UBE2E3: variants seen among roughly 807,000 people sequenced by gnomAD.
UBE2E3 encodes ubiquitin conjugating enzyme E2 E3, also known as ubiquitin-conjugating enzyme E2 E3.
Under a neutral mutation model 23.6 loss-of-function variants are expected in UBE2E3, and 5 were observed. The ratio of observed to expected loss-of-function variants is 0.21; its 90% CI spans 0.11 to 0.44. UBE2E3 has a LOEUF of 0.44. UBE2E3 is among the 20% of genes least tolerant of loss of function. The pLI is 0.99. For synonymous variants in UBE2E3, 78 were observed against 87.5 expected, an observed-to-expected ratio of 0.89 and a Z score of 0.60; for missense variants, 81 against 249.8, an observed-to-expected ratio of 0.32 and a Z score of 4.55.
rs1471246513 is a variant in UBE2E3 at position 181,029,245 on chromosome 2, A to G, written c.246-28448A>G. ...ATAATTCTAATGAGTCTTGATATCT[A>G]GTAGGACAAGTATCTGTATTTTCAT... On this transcript the variant is annotated intron_variant, in intron 3 of 5. Coordinates refer to ENST00000410062, the MANE Select transcript of UBE2E3 (RefSeq NM_006357.4). 5.3e-5 allele frequency among the ~76,000 whole-genome samples: 8 copies of G among 152,068 alleles called. No individual in the cohort carries two copies. In the South Asian group the frequency reaches 1.5e-3, roughly 28 times the overall value.
intron 3 of UBE2E3, among the ~76,000 whole-genome samples, chr2:181,046,145 A>T (rs932591038): frequency 6.6e-6 from 1 of 152,136 alleles, no homozygotes; most frequent in Non-Finnish European, 1.5e-5. Context: ...AACACTGAGT[A>T]CCCCACATAA....
At chr2:181,012,408 C>A (rs1444183188) in intron 3 of UBE2E3, among the ~76,000 whole-genome samples, 1 of 152,082 alleles carries the variant, frequency 6.6e-6, no homozygotes, top group Non-Finnish European at 1.5e-5. Flanking sequence ...ATTTTAGGTA[C>A]TTTAATAGCT....
At chr2:181,000,605 A>T (rs1302208078) in intron 3 of UBE2E3, among the ~76,000 whole-genome samples, 1 of 148,994 alleles carries the variant, frequency 6.7e-6, no homozygotes, top group East Asian at 2.0e-4. Context: ...CCCAGGCTGC[A>T]GTGCAGTGGC....
intron 5 of UBE2E3, 114 bp downstream of exon 5, chr2:181,060,926 T>C (rs1005345000): frequency 3.8e-6 from 4 of 1,063,154 alleles, no homozygotes; most frequent in Non-Finnish European, 5.0e-6. Context: ...TAAATGTTAT[T>C]CATAGAAAGA....
chr2:181,045,347 C>T (rs1391786251), intron 3 of UBE2E3, among the ~76,000 whole-genome samples: 2 of 152,184 alleles, frequency 1.3e-5, no homozygotes, highest in Non-Finnish European at 2.9e-5. Context: ...TCAATAAATT[C>T]ACCACAATCT....
intron 3 of UBE2E3, among the ~76,000 whole-genome samples, chr2:181,024,270 A>T (rs898764462): frequency 6.6e-6 from 1 of 152,112 alleles, no homozygotes; most frequent in Non-Finnish European, 1.5e-5. Flanking sequence ...TGTGAGAGTA[A>T]AACTTAAAGT....
At chr2:181,044,489 T>A (rs953221803) in intron 3 of UBE2E3, among the ~76,000 whole-genome samples, 1 of 152,162 alleles carries the variant, frequency 6.6e-6, no homozygotes, top group Non-Finnish European at 1.5e-5. Context: ...CAATAGAGAA[T>A]ACTAGAGGTG....
intron 3 of UBE2E3, among the ~76,000 whole-genome samples, chr2:181,003,038 T>C (rs564390673): frequency 2.8e-4 from 43 of 152,392 alleles, no homozygotes; most frequent in Non-Finnish European, 5.6e-4. Flanking sequence ...TGGTATCTTA[T>C]GTAGTACATG....
chr2:181,031,964 A>G (rs565104476), intron 3 of UBE2E3, among the ~76,000 whole-genome samples: 63 of 152,162 alleles, frequency 4.1e-4, no homozygotes, highest in Non-Finnish European at 5.1e-4. Flanking sequence ...CACAAATGCC[A>G]TTTTGGAAAT....
At chr2:180,986,837 A>G (rs1210174280) in intron 3 of UBE2E3, among the ~76,000 whole-genome samples, 1 of 152,124 alleles carries the variant, frequency 6.6e-6, no homozygotes, top group East Asian at 1.9e-4. Context: ...GTTGAATGAA[A>G]CACAAGAAAA....
intron 4 of UBE2E3, among the ~76,000 whole-genome samples, chr2:181,059,262 T>C (rs1353349309): frequency 2.0e-5 from 3 of 151,758 alleles, no homozygotes; most frequent in Non-Finnish European, 2.9e-5. Context: ...CTAAATCTTT[T>C]TGAAGTTTGG....
intron 3 of UBE2E3, among the ~76,000 whole-genome samples, chr2:181,000,951 A>G (rs867433443): frequency 6.6e-6 from 1 of 152,240 alleles, no homozygotes; most frequent in African/African-American, 2.4e-5. Context: ...TGTTTAAAAT[A>G]TTTGCATCAA....
chr2:181,054,811 G>T (rs1402573760), intron 3 of UBE2E3, among the ~76,000 whole-genome samples: 1 of 151,726 alleles, frequency 6.6e-6, no homozygotes, highest in Non-Finnish European at 1.5e-5. Flanking sequence ...AGTATATGTA[G>T]GTAGAAAAGA....
intron 3 of UBE2E3, among the ~76,000 whole-genome samples, chr2:181,027,474 A>T (rs1362011186): frequency 6.6e-6 from 1 of 151,986 alleles, no homozygotes; most frequent in East Asian, 1.9e-4. Flanking sequence ...GATCCCAGGA[A>T]TTCTTAGATG....
intron 3 of UBE2E3, among the ~76,000 whole-genome samples, chr2:180,995,738 GA>G (rs1273779342): frequency 6.8e-6 from 1 of 147,986 alleles, no homozygotes; most frequent in East Asian, 2.0e-4. Context: ...ATTCAGGCTG[GA>G]TTTTTTTTTT....
At chr2:181,041,625 A>G (rs918717866) in intron 3 of UBE2E3, among the ~76,000 whole-genome samples, 11 of 151,864 alleles carry the variant, frequency 7.2e-5, no homozygotes, top group African/African-American at 2.7e-4. Context: ...TTTAGTGGAG[A>G]CAGGGTTTCA....
At chr2:181,058,775 GTTAT>G (rs1687053677) in intron 4 of UBE2E3, among the ~76,000 whole-genome samples, 2 of 151,660 alleles carry the variant, frequency 1.3e-5, no homozygotes, top group Non-Finnish European at 1.5e-5. Flanking sequence ...ATAAAAGAGG[GTTAT>G]TTCTCAGTAA....
At chr2:181,050,064 A>T (rs1686779818) in intron 3 of UBE2E3, among the ~76,000 whole-genome samples, 1 of 152,004 alleles carries the variant, frequency 6.6e-6, no homozygotes, top group Admixed American at 6.6e-5. Context: ...CATTTGTAGT[A>T]ATTTATGTAA....
chr2:181,022,612 C>T (rs1276804500), intron 3 of UBE2E3, among the ~76,000 whole-genome samples: 1 of 151,782 alleles, frequency 6.6e-6, no homozygotes, highest in Non-Finnish European at 1.5e-5. Context: ...AGCCTTCTTG[C>T]ACTTAGAAAC....
Sources: gnomAD v4.1 joint callset for allele counts (sites outside exome capture counted in the v4.1 genomes callset) on GRCh38, gnomAD v4.1.1 for gene constraint, MANE v1.5 for transcripts, NCBI Gene and HGNC (gene_info 2026-07-23, HGNC 2026-07-21) for gene names.